The following PPP6R3 variants were observed in gnomAD, a reference collection of about 807,000 sequenced individuals.
PPP6R3 encodes the protein serine/threonine-protein phosphatase 6 regulatory subunit 3.
In PPP6R3, 38 loss-of-function variants were observed where a neutral mutation model predicts 110.7. That is an observed-to-expected ratio of 0.34 (90% confidence interval 0.26 to 0.45). The LOEUF (loss-of-function observed/expected upper bound fraction) is 0.45, where lower values mean the gene tolerates loss of function less well. Ranked by LOEUF, PPP6R3 falls within the 20% of genes least tolerant of loss-of-function variation. The pLI, the probability that PPP6R3 is intolerant of heterozygous loss-of-function variation, is 1.00. For missense variants in PPP6R3, 870 were observed against 1,062.4 expected (o/e 0.82, Z 2.52); for synonymous variants, 369 against 373.5 (o/e 0.99, Z 0.14).
At chr11:68,570,654 A>G (rs1335738385) in intron 11 of PPP6R3, among the ~76,000 whole-genome samples, 3 of 152,220 alleles carry the variant, frequency 2.0e-5, no homozygotes, top group African/African-American at 7.2e-5. Flanking sequence ...AAGTACAAGC[A>G]TTACTTTGGA....
intron 16 of PPP6R3, among the ~76,000 whole-genome samples, chr11:68,590,138 C>T (rs1177320448): frequency 2.0e-5 from 3 of 152,200 alleles, no homozygotes; most frequent in Non-Finnish European, 4.4e-5. Flanking sequence ...GATAGCCCCT[C>T]CTCTTCAAAC....
At chr11:68,502,507 A>C (rs1834261895) in intron 1 of PPP6R3, among the ~76,000 whole-genome samples, 1 of 152,160 alleles carries the variant, frequency 6.6e-6, no homozygotes, top group South Asian at 2.1e-4. Context: ...GGGCCAGAGG[A>C]GACTGGGAGA....
intron 1 of PPP6R3, among the ~76,000 whole-genome samples, chr11:68,516,846 C>T (rs540879736): frequency 1.3e-5 from 2 of 152,278 alleles, no homozygotes; most frequent in Non-Finnish European, 1.5e-5. Flanking sequence ...TTCTCCACAT[C>T]CTTATTGACA....
Position 68,567,061 on chromosome 11 carries a change from G to A in PPP6R3, c.1023G>A (p.Gly341=). 6.4e-7 allele frequency: 1 copy of A among 1,551,660 alleles called. No individual in the cohort carries two copies. Among genetic ancestry groups the A allele is most frequent in the Non-Finnish European group, 8.7e-7 (1 of 1,146,932 alleles). The part of the protein sequence containing the change: ...TTWGVLDPPV[G]NTRLNVIRLI... ...GGGGTGTGCTGGATCCTCCTGTGGG[G>A]AATACCCGGTTGAATGTCATTAGGT... is the stretch of plus-strand genomic sequence containing the variant. Residue 341 remains glycine (G), a synonymous_variant, in exon 10 of 24, where the codon GGG becomes GGA. Transcript: ENST00000393800.
intron 1 of PPP6R3, among the ~76,000 whole-genome samples, chr11:68,490,797 G>T (rs1175086467): frequency 6.6e-6 from 1 of 151,932 alleles, no homozygotes; most frequent in Non-Finnish European, 1.5e-5. Context: ...TTTCTAATTG[G>T]TTATTTCTTA....
At chr11:68,483,682 A>G (rs557015376) in intron 1 of PPP6R3, among the ~76,000 whole-genome samples, 22 of 152,308 alleles carry the variant, frequency 1.4e-4, no homozygotes, top group Middle Eastern at 3.4e-3. Context: ...GGGTTTCACC[A>G]TGTTGGCCAG....
intron 23 of PPP6R3, among the ~76,000 whole-genome samples, chr11:68,611,752 T>C (rs1943527727): frequency 6.6e-6 from 1 of 151,828 alleles, no homozygotes; most frequent in East Asian, 1.9e-4. Context: ...TGAGGTGACG[T>C]TGGAGTGGGC....
intron 1 of PPP6R3, among the ~76,000 whole-genome samples, chr11:68,476,165 T>A (rs1419123101): frequency 2.6e-5 from 4 of 152,216 alleles, no homozygotes; most frequent in Non-Finnish European, 5.9e-5. Context: ...CACTCCAGCC[T>A]GGGCAACATT....
At chr11:68,501,925 A>G (rs1451623843) in intron 1 of PPP6R3, among the ~76,000 whole-genome samples, 1 of 152,230 alleles carries the variant, frequency 6.6e-6, no homozygotes, top group East Asian at 1.9e-4. Flanking sequence ...AAGCAAAATG[A>G]CATAGAACTG....
chr11:68,561,464 G>T lies in PPP6R3; in HGVS notation c.845+2785G>T, dbSNP rs112814881. On this transcript the variant is annotated intron_variant, in intron 8 of 23. Coordinates refer to ENST00000393800, the MANE Select transcript of PPP6R3 (RefSeq NM_001164161.2). ...ATAGAACCTGTGGATACAGAGGGCC[G>T]ACTGCAAGTAACAAAATGCCACAAG... Among the ~76,000 whole-genome samples, 636 of 152,236 alleles carry T rather than the reference G, an allele frequency of 4.2e-3. 2 individuals carry two copies. Among genetic ancestry groups the T allele is most frequent in the African/African-American group, 0.015 (609 of 41,546 alleles).
chr11:68,610,752 A>G (rs75322700), intron 23 of PPP6R3, among the ~76,000 whole-genome samples: 2 of 152,126 alleles, frequency 1.3e-5, no homozygotes, highest in South Asian at 2.1e-4. Context: ...CCCACAATCA[A>G]CTTCTGTGAA....
chr11:68,575,840 C>A, intron 13 of PPP6R3, 118 bp from the exon 14 acceptor site: 1 of 656,000 alleles, frequency 1.5e-6, no homozygotes. Flanking sequence ...GCTGATAGGG[C>A]CTGCTCACCA....
At chr11:68,581,238 T>C (rs2099553243) in intron 14 of PPP6R3, among the ~76,000 whole-genome samples, 1 of 152,218 alleles carries the variant, frequency 6.6e-6, no homozygotes, top group South Asian at 2.1e-4. Context: ...TTTTTAAATA[T>C]CTTCTAGTAT....
chr11:68,556,324 A>G (rs2099399310), intron 7 of PPP6R3, among the ~76,000 whole-genome samples: 1 of 152,330 alleles, frequency 6.6e-6, no homozygotes. Context: ...GAAGTGTTAA[A>G]TAAAGAATGT....
chr11:68,485,458 C>T (rs146723960), intron 1 of PPP6R3, among the ~76,000 whole-genome samples: 1,742 of 152,122 alleles, frequency 0.011, 18 homozygotes, highest in Middle Eastern at 0.044. Flanking sequence ...TTGCCCGCTT[C>T]CTGATCTTAG....
At chr11:68,579,763 C>T (rs1255362704) in intron 14 of PPP6R3, among the ~76,000 whole-genome samples, 7 of 152,188 alleles carry the variant, frequency 4.6e-5, no homozygotes, top group South Asian at 2.1e-4. Flanking sequence ...TTTTACTGCA[C>T]GTTTTTTATT....
intron 11 of PPP6R3, among the ~76,000 whole-genome samples, chr11:68,570,433 C>T (rs1012870987): frequency 2.0e-5 from 3 of 152,132 alleles, no homozygotes; most frequent in Admixed American, 1.3e-4. Context: ...TTGGTTTACT[C>T]GCAAACCTAA....
intron 16 of PPP6R3, among the ~76,000 whole-genome samples, chr11:68,589,318 A>G (rs2099588493): frequency 6.6e-6 from 1 of 152,166 alleles, no homozygotes; most frequent in African/African-American, 2.4e-5. Context: ...GCTCTGCCCT[A>G]CATGTATTCT....
chr11:68,491,373 TG>T (rs2098983065), intron 1 of PPP6R3, among the ~76,000 whole-genome samples: 1 of 145,510 alleles, frequency 6.9e-6, no homozygotes, highest in African/African-American at 2.6e-5. Context: ...TGTGTGTGTG[TG>T]TGTGTTTGAG....
Sources: gnomAD v4.1 joint callset for allele counts (sites outside exome capture counted in the v4.1 genomes callset) on GRCh38, gnomAD v4.1.1 for gene constraint, MANE v1.5 for transcripts, NCBI Gene and HGNC (gene_info 2026-07-23, HGNC 2026-07-21) for gene names.